The following TMEM33 variants were observed in gnomAD, a reference collection of about 807,000 sequenced individuals.
TMEM33 encodes transmembrane protein 33.
Under a neutral mutation model 29.7 loss-of-function variants are expected in TMEM33, and 16 were observed. The observed-to-expected ratio is 0.54, with a 90% CI of 0.36 to 0.82. The LOEUF (loss-of-function observed/expected upper bound fraction) is 0.82, where lower values mean the gene tolerates loss of function less well. TMEM33 is among the 40% of genes least tolerant of loss of function. The pLI, the probability that TMEM33 is intolerant of heterozygous loss-of-function variation, is 0.00. For missense variants in TMEM33, 252 were observed against 295.3 expected (o/e 0.85, Z 1.08); for synonymous variants, 112 against 109.4 (o/e 1.02, Z -0.15).
At chr4:41,945,036 A>G (rs1712722837) in intron 5 of TMEM33, 110 bp downstream of exon 5, 29 of 1,363,860 alleles carry the variant, frequency 2.1e-5, no homozygotes, top group Non-Finnish European at 2.7e-5. Flanking sequence ...TGACATGTAG[A>G]GCTAAATGAA....
At chr4:41,938,751 T>G in intron 2 of TMEM33, 55 bp downstream of exon 2, 1 of 1,546,316 alleles carries the variant, frequency 6.5e-7, no homozygotes, top group Non-Finnish European at 8.9e-7. Flanking sequence ...TCAGTTTATA[T>G]GGAGTGCCTT....
intron 2 of TMEM33, 89 bp downstream of exon 2, chr4:41,938,785 G>A: frequency 8.1e-7 from 1 of 1,241,428 alleles, no homozygotes; most frequent in Non-Finnish European, 1.2e-6. Flanking sequence ...TTATTAACCT[G>A]TAAAGGGTTT....
intron 5 of TMEM33, among the ~76,000 whole-genome samples, chr4:41,948,918 G>C (rs189182955): frequency 6.6e-6 from 1 of 152,022 alleles, no homozygotes; most frequent in African/African-American, 2.4e-5. Flanking sequence ...TGGTGGAGGG[G>C]AGTGTTTGTT....
chr4:41,949,471 C>G, intron 6 of TMEM33, 86 bp downstream of exon 6: 1 of 1,105,842 alleles, frequency 9.0e-7, no homozygotes, highest in Non-Finnish European at 1.3e-6. Context: ...AGTTACTTAG[C>G]TAATGTGTTA....
chr4:41,941,933 C>G (rs1187055912), intron 3 of TMEM33, among the ~76,000 whole-genome samples: 1 of 152,136 alleles, frequency 6.6e-6, no homozygotes, highest in Non-Finnish European at 1.5e-5. Flanking sequence ...GAATCTCTTA[C>G]CAAGGATTTG....
In TMEM33 at chr4:41,944,897, G is replaced by C. The variant is rs1398839518; in HGVS notation, c.501G>C (p.Leu167=). 3.7e-6 allele frequency: 6 copies of C among 1,612,900 alleles called. No homozygotes were observed. Among genetic ancestry groups the C allele is most frequent in the Non-Finnish European group, 5.1e-6 (6 of 1,179,762 alleles). ...TCATTGCTTGCAATGAAATATTCCT[G>C]ATGCCTGCGACAGTTTTTATGCTTT... ...LKFIACNEIF[L]MPATVFMLFS... The change falls in exon 5 of 7, where the codon CTG becomes CTC. Residue 167 remains leucine (L), a synonymous_variant. Coordinates refer to ENST00000504986, the MANE Select transcript of TMEM33 (RefSeq NM_018126.3).
At chr4:41,941,122 A>G (rs1489028810) in intron 3 of TMEM33, among the ~76,000 whole-genome samples, 1 of 152,204 alleles carries the variant, frequency 6.6e-6, no homozygotes, top group African/African-American at 2.4e-5. Context: ...TCACTGAGAT[A>G]ATGTGGGTAG....
intron 5 of TMEM33, 135 bp from the exon 6 acceptor site, chr4:41,949,167 A>C (rs1300746384): frequency 1.1e-5 from 6 of 523,122 alleles, no homozygotes; most frequent in Non-Finnish European, 2.0e-5. Context: ...ACTTGGATTT[A>C]GACATGATAG....
chr4:41,949,926 A>G (rs1326092925), intron 6 of TMEM33, among the ~76,000 whole-genome samples: 1 of 152,178 alleles, frequency 6.6e-6, no homozygotes, highest in African/African-American at 2.4e-5. Context: ...CACAAGCCAT[A>G]TTTGAGGAAC....
In TMEM33 at chr4:41,951,262, T is replaced by C. The variant is rs367742683; in HGVS notation, c.614+1877T>C. On this transcript the variant is annotated intron_variant, in intron 6 of 6. Coordinates refer to ENST00000504986, the MANE Select transcript of TMEM33 (RefSeq NM_018126.3). Reference sequence around the variant, plus strand: ...TTCATAAAACTTAGAACTTGGTTCCTTTTGAGCACAGTTCAGGTGGGTACT... The same window carrying C: ...TTCATAAAACTTAGAACTTGGTTCCCTTTGAGCACAGTTCAGGTGGGTACT... Among the ~76,000 whole-genome samples the C allele has an allele frequency of 1.9e-3, 285 of 152,302 alleles. 9 individuals carry two copies. In the South Asian group the frequency reaches 0.056, roughly 30 times the overall value.
intron 3 of TMEM33, among the ~76,000 whole-genome samples, chr4:41,942,299 G>C (rs1312847086): frequency 1.3e-5 from 2 of 152,120 alleles, no homozygotes; most frequent in Admixed American, 1.3e-4. Flanking sequence ...CTCTACTTAG[G>C]AAATGGACAT....
chr4:41,957,026 T>G lies in TMEM33; in HGVS notation c.*2827T>G, dbSNP rs1173118021. ...TTTACTGCATCATTGAACTTATTGT[T>G]AGTTACAGGTTTAAAAGAAGTTCAT... On this transcript the variant is annotated 3_prime_UTR_variant, in exon 7 of 7. Transcript: ENST00000504986. 1.3e-5 allele frequency: 2 copies of G among 152,192 alleles called. No individual in the cohort carries two copies. Among genetic ancestry groups the G allele is most frequent in the Non-Finnish European group, 2.9e-5 (2 of 67,994 alleles). The allele number at this position is 152,192 out of a possible 1,614,324, so 9.4% of individuals were successfully genotyped here. A position where few individuals can be genotyped will look rare whatever the true frequency, so the allele number is the denominator to read the frequency against.
intron 6 of TMEM33, among the ~76,000 whole-genome samples, chr4:41,951,518 T>C (rs889545232): frequency 1.3e-5 from 2 of 152,224 alleles, no homozygotes; most frequent in African/African-American, 2.4e-5. Context: ...TATGTGACTT[T>C]AGTGAAAGCG....
At chr4:41,953,999 C>A in intron 6 of TMEM33, 71 bp from the exon 7 acceptor site, 1 of 1,571,608 alleles carries the variant, frequency 6.4e-7, no homozygotes, top group South Asian at 1.1e-5. Context: ...CTATGGAGTA[C>A]AATAAAATGA....
chr4:41,940,702 G>A (rs1203744824), intron 3 of TMEM33, among the ~76,000 whole-genome samples: 1 of 151,578 alleles, frequency 6.6e-6, no homozygotes, highest in Admixed American at 6.6e-5. Flanking sequence ...CCAGCTGCTC[G>A]GGAGGCTGAG....
chr4:41,944,748 A>G, intron 4 of TMEM33, 45 bp from the exon 5 acceptor site: 1 of 1,600,172 alleles, frequency 6.2e-7, no homozygotes, highest in Non-Finnish European at 8.5e-7. Context: ...TATTGTTATC[A>G]GAAATGCTTC....
At position 41,938,495 on chromosome 4, in the gene TMEM33, TGGAG is replaced by T. The variant is rs941871939; in HGVS notation, c.46-105_46-102del. On this transcript the variant is annotated intron_variant, in intron 1 of 6. Coordinates refer to ENST00000504986, the MANE Select transcript of TMEM33 (RefSeq NM_018126.3). Reference sequence around the variant, plus strand: ...TCACCTAATGATCTAAAAAAACAAATGGAGGAAGATTAAAATATTTTGAGTAGAC... The same window carrying T: ...TCACCTAATGATCTAAAAAAACAAATGAAGATTAAAATATTTTGAGTAGAC... 5 of 1,042,420 alleles carry T rather than the reference TGGAG, an allele frequency of 4.8e-6. No individual in the cohort carries two copies. In the African/African-American group the frequency reaches 6.4e-5, roughly 13 times the overall value. The allele number at this position is 1,042,420 out of a possible 1,614,324, so 64.6% of individuals were successfully genotyped here. A position where few individuals can be genotyped will look rare whatever the true frequency, so the allele number is the denominator to read the frequency against.
rs1284042967 is a variant in TMEM33 at position 41,954,219 on chromosome 4, A to T, written c.*20A>T. The T allele has an allele frequency of 6.2e-7, 1 of 1,612,992 alleles. No homozygotes were observed. Among genetic ancestry groups the T allele is most frequent in the Non-Finnish European group, 8.5e-7 (1 of 1,179,306 alleles). On this transcript the variant is annotated 3_prime_UTR_variant, in exon 7 of 7. Transcript: ENST00000504986. ...CCATAGTTTAACATCTAGTTAAGCT[A>T]CAAATATAGTATAAGCATTATTAGC... is the stretch of plus-strand genomic sequence containing the variant.
chr4:41,937,858 A>T (rs1028681381), intron 1 of TMEM33, among the ~76,000 whole-genome samples: 1 of 152,142 alleles, frequency 6.6e-6, no homozygotes, highest in East Asian at 1.9e-4. Context: ...TGGGAAAAAA[A>T]TGGGGGAAGA....
Sources: gnomAD v4.1 joint callset for allele counts (sites outside exome capture counted in the v4.1 genomes callset) on GRCh38, gnomAD v4.1.1 for gene constraint, MANE v1.5 for transcripts, NCBI Gene and HGNC (gene_info 2026-07-23, HGNC 2026-07-21) for gene names.